The following STXBP5L variants were observed in gnomAD, a reference collection of about 807,000 sequenced individuals.
STXBP5L encodes the protein syntaxin binding protein 5L, also known as syntaxin-binding protein 5-like.
Under a neutral mutation model 144.5 loss-of-function variants are expected in STXBP5L, and 65 were observed. The observed-to-expected ratio is 0.45, with a 90% CI of 0.37 to 0.55. STXBP5L has a LOEUF of 0.55. Ranked by LOEUF, STXBP5L falls within the 20% of genes least tolerant of loss-of-function variation. STXBP5L has a pLI of 0.00. For missense variants in STXBP5L, 1,298 were observed against 1,405.5 expected, an observed-to-expected ratio of 0.92 and a Z score of 1.22; for synonymous variants, 505 against 469.6, an observed-to-expected ratio of 1.08 and a Z score of -0.97.
intron 20 of STXBP5L, chr3:121,356,876 G>C (rs1345904266): frequency 1.3e-5 from 2 of 152,926 alleles, no homozygotes; most frequent in Non-Finnish European, 2.9e-5. Flanking sequence ...ACTATAAAAA[G>C]TGGTATAACT....
intron 20 of STXBP5L, among the ~76,000 whole-genome samples, chr3:121,354,735 T>G (rs924398427): frequency 6.6e-6 from 1 of 152,170 alleles, no homozygotes; most frequent in Non-Finnish European, 1.5e-5. Context: ...CCTGTCATTA[T>G]GATGTTAGCT....
chr3:121,213,804 G>T (rs1170654862), intron 10 of STXBP5L, among the ~76,000 whole-genome samples: 1 of 152,148 alleles, frequency 6.6e-6, no homozygotes, highest in Admixed American at 6.5e-5. Context: ...ACTCCTCTTT[G>T]TACCTCTGGT....
chr3:121,210,354 C>T (rs555949491), intron 10 of STXBP5L, among the ~76,000 whole-genome samples: 15 of 152,032 alleles, frequency 9.9e-5, no homozygotes, highest in African/African-American at 2.9e-4. Flanking sequence ...GAGTAGATTG[C>T]AAAAATTTTC....
chr3:121,351,348 G>A lies in STXBP5L; in HGVS notation c.2177-27368G>A, dbSNP rs137945084. Reference sequence around the variant, plus strand: ...TTGTCTCAGAGGAGTACCCGGCCGTGTCAGGTGTCAGTCTGCCCCTAATGG... The same window carrying A: ...TTGTCTCAGAGGAGTACCCGGCCGTATCAGGTGTCAGTCTGCCCCTAATGG... On this transcript the variant is annotated intron_variant, in intron 20 of 26. Transcript: ENST00000471454. Among the ~76,000 whole-genome samples, 1,493 of 152,216 alleles carry A rather than the reference G, an allele frequency of 9.8e-3. 33 individuals carry two copies. Among genetic ancestry groups the A allele is most frequent in the African/African-American group, 0.034 (1,410 of 41,510 alleles).
At chr3:121,361,620 G>A (rs1207177179) in intron 20 of STXBP5L, among the ~76,000 whole-genome samples, 2 of 151,682 alleles carry the variant, frequency 1.3e-5, no homozygotes, top group South Asian at 4.2e-4. Flanking sequence ...TTCAGCTCCA[G>A]ATTTTCTGCT....
At chr3:121,187,613 A>G (rs1559840885) in intron 9 of STXBP5L, among the ~76,000 whole-genome samples, 1 of 151,754 alleles carries the variant, frequency 6.6e-6, no homozygotes, top group Non-Finnish European at 1.5e-5. Context: ...AAAAAAAAGA[A>G]AAAAAATAAA....
chr3:121,201,779 G>T (rs1324343006), intron 9 of STXBP5L, among the ~76,000 whole-genome samples: 2 of 152,034 alleles, frequency 1.3e-5, no homozygotes, highest in African/African-American at 4.8e-5. Flanking sequence ...ATTAAGCTTA[G>T]CTTGGCTGGA....
intron 5 of STXBP5L, among the ~76,000 whole-genome samples, chr3:121,098,199 T>C (rs1294524418): frequency 6.6e-6 from 1 of 152,160 alleles, no homozygotes; most frequent in Non-Finnish European, 1.5e-5. Context: ...CTGCCCTTTT[T>C]CAGTAGAAGG....
At chr3:120,962,176 G>A (rs1938918947) in intron 3 of STXBP5L, among the ~76,000 whole-genome samples, 2 of 152,008 alleles carry the variant, frequency 1.3e-5, no homozygotes, top group Non-Finnish European at 2.9e-5. Context: ...CTGGATATTA[G>A]CCCTTTGTCA....
chr3:120,991,935 G>A (rs930755781), intron 3 of STXBP5L, among the ~76,000 whole-genome samples: 3 of 152,156 alleles, frequency 2.0e-5, no homozygotes, highest in South Asian at 2.1e-4. Context: ...ACGTTGTGCA[G>A]ATGTACCCTA....
chr3:121,394,206 T>C (rs1450865799), intron 22 of STXBP5L, among the ~76,000 whole-genome samples: 1 of 152,202 alleles, frequency 6.6e-6, no homozygotes, highest in East Asian at 1.9e-4. Flanking sequence ...ATTTCTTCTT[T>C]TGGTTCTCAG....
At chr3:121,352,463 C>A (rs930693026) in intron 20 of STXBP5L, among the ~76,000 whole-genome samples, 1 of 152,054 alleles carries the variant, frequency 6.6e-6, no homozygotes, top group South Asian at 2.1e-4. Context: ...TGGGAATTCA[C>A]TCATGATTTG....
At chr3:121,388,834 A>T (rs2046496841) in intron 22 of STXBP5L, among the ~76,000 whole-genome samples, 1 of 152,182 alleles carries the variant, frequency 6.6e-6, no homozygotes, top group East Asian at 1.9e-4. Context: ...TTCATCACAG[A>T]TATTGCTCTA....
intron 18 of STXBP5L, among the ~76,000 whole-genome samples, chr3:121,277,054 T>C (rs1482971104): frequency 1.3e-5 from 2 of 152,064 alleles, no homozygotes; most frequent in African/African-American, 4.8e-5. Flanking sequence ...TGTCTTAGTC[T>C]GGGATGTTGT....
At chr3:121,254,859 TAA>T in intron 15 of STXBP5L, 34 bp from the exon 16 acceptor site, 1 of 1,505,236 alleles carries the variant, frequency 6.6e-7, no homozygotes, top group Non-Finnish European at 9.0e-7. Flanking sequence ...GAATTAAGTT[TAA>T]ATTAGAAGAT....
At chr3:121,349,260 G>A (rs563403818) in intron 20 of STXBP5L, among the ~76,000 whole-genome samples, 1 of 152,206 alleles carries the variant, frequency 6.6e-6, no homozygotes, top group East Asian at 1.9e-4. Flanking sequence ...CCATGAAGTT[G>A]AGCGGTTTTG....
At chr3:120,980,211 T>C (rs966879847) in intron 3 of STXBP5L, among the ~76,000 whole-genome samples, 9 of 152,176 alleles carry the variant, frequency 5.9e-5, no homozygotes, top group Non-Finnish European at 1.3e-4. Context: ...GGCTAGAATG[T>C]TTTGTAAATT....
chr3:121,018,643 A>G lies in STXBP5L; in HGVS notation c.288-23057A>G, dbSNP rs562780527. Among the ~76,000 whole-genome samples the G allele has an allele frequency of 7.7e-4, 118 of 152,284 alleles. 1 individual carries two copies. Among genetic ancestry groups the G allele is most frequent in the Non-Finnish European group, 1.5e-3 (104 of 68,024 alleles). Reference sequence around the variant, plus strand: ...AATTATAAAACTCTTAGAAGATAACAGAAGAAAACCTAGGTGATGTGGCTT... The same window carrying G: ...AATTATAAAACTCTTAGAAGATAACGGAAGAAAACCTAGGTGATGTGGCTT... On this transcript the variant is annotated intron_variant, in intron 3 of 26. Coordinates refer to ENST00000471454, the MANE Select transcript of STXBP5L (RefSeq NM_001308330.2).
At chr3:120,958,361 C>G (rs1938299168) in intron 3 of STXBP5L, among the ~76,000 whole-genome samples, 2 of 152,122 alleles carry the variant, frequency 1.3e-5, no homozygotes, top group South Asian at 4.1e-4. Context: ...CCTTCTGAAA[C>G]TATTCCAATC....
Sources: gnomAD v4.1 joint callset for allele counts (sites outside exome capture counted in the v4.1 genomes callset) on GRCh38, gnomAD v4.1.1 for gene constraint, MANE v1.5 for transcripts, NCBI Gene and HGNC (gene_info 2026-07-23, HGNC 2026-07-21) for gene names.